The following CAMTA1 variants were observed in gnomAD, a reference collection of about 807,000 sequenced individuals.
CAMTA1 encodes calmodulin binding transcription activator 1.
CAMTA1 carries 27 observed loss-of-function variants against 170.9 expected under a neutral mutation model. The ratio of observed to expected loss-of-function variants is 0.16; its 90% CI spans 0.12 to 0.22. The LOEUF (loss-of-function observed/expected upper bound fraction) is 0.22. Among genes scored for constraint, CAMTA1 ranks in the 10% least tolerant of loss-of-function variants. The pLI, the probability that CAMTA1 is intolerant of heterozygous loss-of-function variation, is 1.00. For synonymous variants in CAMTA1, 833 were observed against 891.5 expected, an observed-to-expected ratio of 0.93 and a Z score of 1.17; for missense variants, 1,619 against 2,217.2, an observed-to-expected ratio of 0.73 and a Z score of 5.42.
At chr1:6,915,538 G>A (rs1680593530) in intron 3 of CAMTA1, among the ~76,000 whole-genome samples, 1 of 152,184 alleles carries the variant, frequency 6.6e-6, no homozygotes, top group South Asian at 2.1e-4. Context: ...GTGGAGCCAA[G>A]GTGTTCAAGA....
chr1:7,387,997 C>A (rs2088208356), intron 5 of CAMTA1, among the ~76,000 whole-genome samples: 2 of 152,154 alleles, frequency 1.3e-5, no homozygotes, highest in South Asian at 4.1e-4. Flanking sequence ...GTGACCTCCC[C>A]CTTCCCCTGC....
At chr1:7,034,860 A>G (rs1703352377) in intron 3 of CAMTA1, among the ~76,000 whole-genome samples, 1 of 152,246 alleles carries the variant, frequency 6.6e-6, no homozygotes, top group South Asian at 2.1e-4. Flanking sequence ...CATCTTGGCC[A>G]GAGGCAGAAG....
In CAMTA1 at chr1:7,057,901, C is replaced by A. The variant is rs531123165; in HGVS notation, c.235-33403C>A. 2.2e-3 allele frequency among the ~76,000 whole-genome samples: 329 copies of A among 152,310 alleles called. 6 individuals carry two copies. The South Asian group carries it at 0.048, about 22-fold the overall frequency. On this transcript the variant is annotated intron_variant, in intron 3 of 22. Transcript: ENST00000303635. ...TAAGGAGACTTCCTATCTGAGGATGCCCCCTTCTCTGGACCCCCAGATCCT... is the reference window on the plus strand; with the variant it reads ...TAAGGAGACTTCCTATCTGAGGATGACCCCTTCTCTGGACCCCCAGATCCT...
chr1:7,022,056 G>A (rs1045568079), intron 3 of CAMTA1, among the ~76,000 whole-genome samples: 10 of 152,228 alleles, frequency 6.6e-5, no homozygotes, highest in Middle Eastern at 3.2e-3. Context: ...CTTCCCAGCA[G>A]GTCTCCCGAG....
chr1:7,488,799 CAT>C (rs138501438), intron 6 of CAMTA1, among the ~76,000 whole-genome samples: 7,960 of 152,230 alleles, frequency 0.052, 299 homozygotes, highest in East Asian at 0.16. Context: ...TAAATACACA[CAT>C]GTAATACAAA....
chr1:7,058,604 T>G (rs2101711011), intron 3 of CAMTA1, among the ~76,000 whole-genome samples: 2 of 152,006 alleles, frequency 1.3e-5, no homozygotes, highest in Middle Eastern at 3.4e-3. Context: ...GAGGAGGGGG[T>G]GCCTCTGTGG....
At chr1:7,276,303 A>ATATATATATTTTT in intron 5 of CAMTA1, among the ~76,000 whole-genome samples, 11 of 24,230 alleles carry the variant, frequency 4.5e-4, no homozygotes, top group African/African-American at 8.9e-4. Flanking sequence ...ATATATATAT[A>ATATATATATTTTT]TTTTTTTTTT....
At position 7,009,237 on chromosome 1, in the gene CAMTA1, G is replaced by A. The variant is rs183070071; in HGVS notation, c.235-82067G>A. 3.3e-5 allele frequency among the ~76,000 whole-genome samples: 5 copies of A among 152,364 alleles called. No individual in the cohort carries two copies. The East Asian group carries it at 9.6e-4, about 29-fold the overall frequency. ...CTGTCAGCTCCAATGTGGCAGAGTT[G>A]TGAGTGCTGGAGGCTGCTGGGAGGT... is the stretch of plus-strand genomic sequence containing the variant. On this transcript the variant is annotated intron_variant, in intron 3 of 22. Coordinates refer to ENST00000303635, the MANE Select transcript of CAMTA1 (RefSeq NM_015215.4).
At chr1:7,104,062 G>A (rs1643257132) in intron 4 of CAMTA1, among the ~76,000 whole-genome samples, 1 of 137,034 alleles carries the variant, frequency 7.3e-6, no homozygotes, top group African/African-American at 2.8e-5. Flanking sequence ...CTACACAGAT[G>A]TACACACTAC....
At chr1:7,623,397 C>A (rs1215590084) in intron 6 of CAMTA1, among the ~76,000 whole-genome samples, 6 of 152,206 alleles carry the variant, frequency 3.9e-5, no homozygotes, top group Non-Finnish European at 8.8e-5. Context: ...TCAGAGCTAC[C>A]TGCAGGAGAG....
chr1:7,498,416 AGT>A (rs745962966), intron 6 of CAMTA1, among the ~76,000 whole-genome samples: 69 of 144,472 alleles, frequency 4.8e-4, no homozygotes, highest in Admixed American at 2.5e-3. Context: ...AGTGTGTATG[AGT>A]GTGTGGATGT....
In CAMTA1 at chr1:7,435,150, G is replaced by A. The variant is rs187227853; in HGVS notation, c.439-32680G>A. On this transcript the variant is annotated intron_variant, in intron 5 of 22. Coordinates refer to ENST00000303635, the MANE Select transcript of CAMTA1 (RefSeq NM_015215.4). This position sits in a 1 kb window ranked among gnomAD's most constrained non-coding sequence, Gnocchi z 4.4. ...CCTGAATCCCATTTTGGCAGGAGGA[G>A]CTCTCATGGCTTTCTCACCTCTTAC... Among the ~76,000 whole-genome samples, 3 of 152,332 alleles carry A rather than the reference G, an allele frequency of 2.0e-5. No individual in the cohort carries two copies. In the East Asian group the frequency reaches 5.8e-4, roughly 29 times the overall value.
chr1:6,891,121 C>T (rs888325066), intron 3 of CAMTA1, among the ~76,000 whole-genome samples: 1 of 152,124 alleles, frequency 6.6e-6, no homozygotes, highest in Non-Finnish European at 1.5e-5. Context: ...TCTTTCCTTC[C>T]TCAAAGGCAA....
At chr1:7,186,245 A>G (rs978141179) in intron 4 of CAMTA1, among the ~76,000 whole-genome samples, 1 of 152,202 alleles carries the variant, frequency 6.6e-6, no homozygotes, top group African/African-American at 2.4e-5. Context: ...TGGGTGAAGG[A>G]TATACAAAAA....
At chr1:7,024,202 G>A (rs991093571) in intron 3 of CAMTA1, among the ~76,000 whole-genome samples, 4 of 152,146 alleles carry the variant, frequency 2.6e-5, no homozygotes, top group Non-Finnish European at 5.9e-5. Context: ...GACAACAGGA[G>A]GGAGGCATGC....
At chr1:7,355,671 T>C (rs1275216025) in intron 5 of CAMTA1, among the ~76,000 whole-genome samples, 1 of 152,240 alleles carries the variant, frequency 6.6e-6, no homozygotes. Flanking sequence ...ATACCTCCTG[T>C]CTTCAGATGC....
At chr1:6,867,710 TTTG>T (rs2148955085) in intron 3 of CAMTA1, among the ~76,000 whole-genome samples, 1 of 152,242 alleles carries the variant, frequency 6.6e-6, no homozygotes, top group East Asian at 1.9e-4. Context: ...AGTGCATTTT[TTTG>T]TTGTTGAATG....
intron 6 of CAMTA1, among the ~76,000 whole-genome samples, chr1:7,479,795 C>T (rs532282201): frequency 7.5e-4 from 114 of 152,378 alleles, no homozygotes; most frequent in South Asian, 3.1e-3. Context: ...TTATCTGCTT[C>T]TGCCAGAGCA....
chr1:7,674,475 A>G lies in CAMTA1; in HGVS notation c.2780-3124A>G, dbSNP rs1469352941. 6.6e-6 allele frequency among the ~76,000 whole-genome samples: 1 copy of G among 152,140 alleles called. No individual in the cohort carries two copies. The highest frequency in any genetic ancestry group is 1.5e-5 in the Non-Finnish European group (1 of 68,008). On this transcript the variant is annotated intron_variant, in intron 10 of 22. Coordinates refer to ENST00000303635, the MANE Select transcript of CAMTA1 (RefSeq NM_015215.4). This position sits in a 1 kb window ranked among gnomAD's most constrained non-coding sequence, Gnocchi z 4.1. ...GATTCCTAAGAGGTCACCAGAACAC[A>G]AAAGATGAAATTCAAAATGAAAGCC...
Sources: allele counts gnomAD v4.1 joint callset (sites outside exome capture counted in the v4.1 genomes callset), GRCh38; gene constraint gnomAD v4.1.1; non-coding constraint Gnocchi (gnomAD v3.1); transcripts MANE v1.5; gene names NCBI Gene and HGNC (gene_info 2026-07-23, HGNC 2026-07-21).